Variants in ABCG2 observed in about 807,000 individuals in gnomAD.
The protein encoded by ABCG2 is ATP binding cassette subfamily G member 2 (JR blood group).
ABCG2 carries 80 observed loss-of-function variants against 73.5 expected under a neutral mutation model. The ratio of observed to expected loss-of-function variants is 1.09; its 90% CI spans 0.91 to 1.31. ABCG2 has a LOEUF of 1.31. Ranked by LOEUF, ABCG2 falls within the 50% of genes most tolerant of loss-of-function variation. ABCG2 has a pLI of 0.00. For synonymous variants in ABCG2, 269 were observed against 282.4 expected (o/e 0.95, Z 0.48); for missense variants, 796 against 786.2 (o/e 1.01, Z -0.15).
chr4:88,213,982 CTTTTTTT>C (rs33984842), intron 1 of ABCG2, among the ~76,000 whole-genome samples: 4 of 59,622 alleles, frequency 6.7e-5, no homozygotes, highest in African/African-American at 2.7e-4. Flanking sequence ...CACGCCCGGC[CTTTTTTT>C]TTTTTTTTTT....
At chr4:88,175,942 G>C (rs1727947605) in intron 1 of ABCG2, among the ~76,000 whole-genome samples, 1 of 152,116 alleles carries the variant, frequency 6.6e-6, no homozygotes, top group Admixed American at 6.5e-5. Context: ...AATGGTTGTG[G>C]GGATACTACA....
rs370594079 is a variant in ABCG2 at position 88,135,231 on chromosome 4, C to T, written c.204-2596G>A. 8.4e-4 allele frequency among the ~76,000 whole-genome samples: 128 copies of T among 152,322 alleles called. 6 individuals carry two copies. In the South Asian group the frequency reaches 0.024, roughly 28 times the overall value. ...TCATCCCTGAAACTGCATTCCCCAC[C>T]CTTATTTATTGCTTTACAGCATTTG... On this transcript the variant is annotated intron_variant, in intron 2 of 15. Coordinates refer to ENST00000237612, the MANE Select transcript of ABCG2 (RefSeq NM_004827.3).
chr4:88,108,967 A>G (rs1722941532), intron 9 of ABCG2, among the ~76,000 whole-genome samples: 3 of 152,024 alleles, frequency 2.0e-5, no homozygotes, highest in Non-Finnish European at 1.5e-5. Context: ...CTACGTTTTC[A>G]CACAGTAAAA....
chr4:88,145,769 G>A (rs749309027), intron 1 of ABCG2, among the ~76,000 whole-genome samples: 12 of 152,034 alleles, frequency 7.9e-5, no homozygotes, highest in South Asian at 2.1e-4. Flanking sequence ...GTGAAACCCC[G>A]TCTCTACTAA....
exon 1 of ABCG2, chr4:88,231,159 G>C (rs1252631906): frequency 2.0e-5 from 3 of 152,152 alleles, no homozygotes; most frequent in African/African-American, 7.2e-5. Flanking sequence ...TTTCCTTCCT[G>C]CCTGCTCTTG....
intron 1 of ABCG2, among the ~76,000 whole-genome samples, chr4:88,176,167 TC>T (rs1464780517): frequency 6.6e-5 from 10 of 150,584 alleles, no homozygotes; most frequent in African/African-American, 2.2e-4. Context: ...GTTTTTTTTT[TC>T]TTTTTTTGTG....
intron 10 of ABCG2, among the ~76,000 whole-genome samples, chr4:88,103,138 T>G (rs1015525829): frequency 6.6e-6 from 1 of 152,194 alleles, no homozygotes; most frequent in Non-Finnish European, 1.5e-5. Flanking sequence ...CCAGGCCTGG[T>G]AGACATGCAG....
At chr4:88,211,507 C>T (rs1462602458) in intron 1 of ABCG2, among the ~76,000 whole-genome samples, 11 of 152,156 alleles carry the variant, frequency 7.2e-5, no homozygotes, top group Admixed American at 7.2e-4. Context: ...ACCTCCGCCT[C>T]CCAGGTTCAA....
intron 12 of ABCG2, among the ~76,000 whole-genome samples, chr4:88,098,966 G>A (rs1042670679): frequency 1.6e-4 from 24 of 151,976 alleles, no homozygotes. Context: ...CCATCTTTCT[G>A]TGTGCCGGTA....
chr4:88,177,351 C>A (rs34565878), intron 1 of ABCG2, among the ~76,000 whole-genome samples: 1,750 of 148,900 alleles, frequency 0.012, 19 homozygotes, highest in Middle Eastern at 0.043. Context: ...CCAGCCTGGG[C>A]GACAGAGCGA....
intron 5 of ABCG2, among the ~76,000 whole-genome samples, chr4:88,128,320 G>C (rs1265225343): frequency 1.3e-5 from 2 of 152,224 alleles, no homozygotes; most frequent in African/African-American, 4.8e-5. Context: ...TTACACTGTT[G>C]ATGGGAGTGT....
chr4:88,171,463 C>T (rs1727754182), intron 1 of ABCG2, among the ~76,000 whole-genome samples: 1 of 61,534 alleles, frequency 1.6e-5, no homozygotes, highest in Non-Finnish European at 3.4e-5. Flanking sequence ...ACTGAGAACA[C>T]TGAAGGTGAA....
intron 1 of ABCG2, among the ~76,000 whole-genome samples, chr4:88,168,577 G>T (rs566772008): frequency 3.3e-5 from 5 of 151,462 alleles, no homozygotes; most frequent in Non-Finnish European, 7.4e-5. Flanking sequence ...AAAAAACTAC[G>T]TATTGATAAT....
intron 1 of ABCG2, among the ~76,000 whole-genome samples, chr4:88,189,019 C>CA (rs1292399816): frequency 9.9e-6 from 1 of 101,288 alleles, no homozygotes; most frequent in Non-Finnish European, 2.1e-5. Flanking sequence ...GTTTAAACAA[C>CA]AACAAAAAAA....
In ABCG2 at chr4:88,092,256, A is replaced by G. The variant is rs771193254; in HGVS notation, c.1946T>C (p.Leu649Ser). 68 of 1,608,400 alleles carry G rather than the reference A, an allele frequency of 4.2e-5. No individual in the cohort carries two copies. Among genetic ancestry groups the G allele is most frequent in the Non-Finnish European group, 5.5e-5 (65 of 1,176,834 alleles). Residue 649 changes from leucine to serine, a missense_variant, in exon 16 of 16, where the codon TTA (leucine) becomes TCA (serine). Coordinates refer to ENST00000237612, the MANE Select transcript of ABCG2 (RefSeq NM_004827.3). ...AATTTAAGAATATTTTTTAAGAAAT[A>G]ACAATTTCAGGTAGGCAATTGTGAG... ...IFLTIAYLKL[L>S]FLKKYS
chr4:88,131,823 T>C lies in ABCG2; in HGVS notation c.358A>G (p.Asn120Asp). The stretch of plus-strand genomic sequence containing the variant: ...CTTACTTGTACCACGTAACCTGAAT[T>C]ACATTTGAAATTGGCAGGTCGCGGT... ...GAPRPANFKC[N>D]SGYVVQDDVV... The change falls in exon 4 of 16, where the codon AAT becomes GAT. Residue 120 changes from asparagine to aspartate, a missense_variant. Transcript: ENST00000237612. 6.2e-7 allele frequency: 1 copy of C among 1,613,502 alleles called. No individual in the cohort carries two copies. The highest frequency in any genetic ancestry group is 1.3e-5 in the African/African-American group (1 of 75,022).
chr4:88,120,366 C>T (rs1451025664), intron 6 of ABCG2, among the ~76,000 whole-genome samples: 1 of 152,090 alleles, frequency 6.6e-6, no homozygotes, highest in Non-Finnish European at 1.5e-5. Flanking sequence ...CCTTAAGACC[C>T]CAGAATGGTA....
rs988407621 is a variant in ABCG2 at position 88,144,700 on chromosome 4, G to A, written c.-19-4686C>T. Among the ~76,000 whole-genome samples, 6 of 151,932 alleles carry A rather than the reference G, an allele frequency of 3.9e-5. No individual in the cohort carries two copies. In the South Asian group the frequency reaches 6.2e-4, roughly 16 times the overall value. On this transcript the variant is annotated intron_variant, in intron 1 of 15. Transcript: ENST00000237612. ...TCAAACTCCTGACCTCAGGTGATCC[G>A]CCCACGTCGGCCTCCAAAAGTGCTG...
chr4:88,125,785 T>A (rs942127905), intron 5 of ABCG2, among the ~76,000 whole-genome samples: 2 of 151,852 alleles, frequency 1.3e-5, no homozygotes, highest in African/African-American at 4.8e-5. Context: ...TAAAGCAGTG[T>A]TTAGAGGGAA....
Sources: gnomAD v4.1 joint callset for allele counts (sites outside exome capture counted in the v4.1 genomes callset) on GRCh38, gnomAD v4.1.1 for gene constraint, MANE v1.5 for transcripts, NCBI Gene and HGNC (gene_info 2026-07-23, HGNC 2026-07-21) for gene names.